EYA1: variants seen among roughly 807,000 people sequenced by gnomAD.
EYA1 encodes protein phosphatase EYA1.
EYA1 carries 16 observed loss-of-function variants against 82.0 expected under a neutral mutation model. The observed-to-expected ratio is 0.20, with a 90% CI of 0.13 to 0.30. The LOEUF (loss-of-function observed/expected upper bound fraction) is 0.30. EYA1 is among the 10% of genes least tolerant of loss of function. The pLI, the probability that EYA1 is intolerant of heterozygous loss-of-function variation, is 1.00. For missense variants in EYA1, 633 were observed against 730.7 expected (o/e 0.87, Z 1.54); for synonymous variants, 261 against 264.4 (o/e 0.99, Z 0.12).
intron 2 of EYA1, among the ~76,000 whole-genome samples, chr8:71,487,219 T>A (rs1266633321): frequency 1.3e-5 from 2 of 152,054 alleles, no homozygotes; most frequent in African/African-American, 4.8e-5. Flanking sequence ...GCTCACATAT[T>A]ATTTAAGAAA....
intron 9 of EYA1, among the ~76,000 whole-genome samples, chr8:71,278,646 A>G (rs1227258776): frequency 6.6e-6 from 1 of 152,168 alleles, no homozygotes; most frequent in Non-Finnish European, 1.5e-5. Flanking sequence ...TTTCATATCT[A>G]CTGATACTTC....
intron 12 of EYA1, among the ~76,000 whole-genome samples, chr8:71,225,964 A>C (rs1320587622): frequency 6.6e-6 from 1 of 152,236 alleles, no homozygotes; most frequent in Admixed American, 6.5e-5. Context: ...CAGAAGTTTC[A>C]ACAAAGGTAA....
At chr8:71,369,581 T>C (rs955726626) in intron 2 of EYA1, among the ~76,000 whole-genome samples, 3 of 152,180 alleles carry the variant, frequency 2.0e-5, no homozygotes, top group Non-Finnish European at 4.4e-5. Context: ...AAAGCTCCCA[T>C]GGAGAAAAAA....
intron 2 of EYA1, among the ~76,000 whole-genome samples, chr8:71,534,667 C>G (rs944251915): frequency 1.3e-5 from 2 of 152,132 alleles, no homozygotes; most frequent in Admixed American, 1.3e-4. Context: ...AAACGAAACA[C>G]TGCATGTTCT....
chr8:71,437,123 G>C (rs1163245146), intron 2 of EYA1, among the ~76,000 whole-genome samples: 1 of 147,394 alleles, frequency 6.8e-6, no homozygotes, highest in Non-Finnish European at 1.5e-5. Flanking sequence ...GATATACATA[G>C]TTTGCCTACA....
At chr8:71,540,073 A>G (rs911822538) in intron 1 of EYA1, among the ~76,000 whole-genome samples, 2 of 152,152 alleles carry the variant, frequency 1.3e-5, no homozygotes, top group Non-Finnish European at 2.9e-5. Flanking sequence ...CCATAAGCCT[A>G]TTAATTTTCA....
intron 3 of EYA1, among the ~76,000 whole-genome samples, chr8:71,350,091 T>C (rs765007880): frequency 2.0e-5 from 3 of 152,186 alleles, no homozygotes; most frequent in South Asian, 2.1e-4. Flanking sequence ...ATTCACAATG[T>C]CCCTTAATCT....
chr8:71,253,111 C>T (rs567489895), intron 11 of EYA1, among the ~76,000 whole-genome samples: 29 of 152,234 alleles, frequency 1.9e-4, no homozygotes, highest in Admixed American at 3.9e-4. Context: ...TCAGGAATGA[C>T]ATAATATTTT....
intron 9 of EYA1, among the ~76,000 whole-genome samples, chr8:71,274,822 C>A (rs1163994542): frequency 6.6e-6 from 1 of 151,820 alleles, no homozygotes; most frequent in Non-Finnish European, 1.5e-5. Context: ...GGGAATATGA[C>A]TGTGTTCCAG....
intron 9 of EYA1, among the ~76,000 whole-genome samples, chr8:71,282,233 G>A (rs770534771): frequency 3.3e-5 from 5 of 152,074 alleles, no homozygotes; most frequent in Non-Finnish European, 5.9e-5. Context: ...TCCAGTCCAC[G>A]TTCCCTTTAC....
intron 11 of EYA1, among the ~76,000 whole-genome samples, chr8:71,267,955 T>TA (rs1305888721): frequency 6.6e-6 from 1 of 152,226 alleles, no homozygotes; most frequent in Admixed American, 6.5e-5. Flanking sequence ...ATTGACACAT[T>TA]AAAAAATTAA....
At chr8:71,381,099 T>A (rs1156942) in intron 2 of EYA1, among the ~76,000 whole-genome samples, 1 of 152,074 alleles carries the variant, frequency 6.6e-6, no homozygotes, top group East Asian at 1.9e-4. Context: ...TTATCAAAGC[T>A]CGAATCCATA....
Position 71,317,689 on chromosome 8 carries a change from C to A in EYA1, c.419G>T (p.Gly140Val). The change falls in exon 7 of 18, where the codon GGT becomes GTT. Residue 140 changes from glycine (G) to valine (V), a missense_variant and splice_region_variant. Coordinates refer to ENST00000340726, the MANE Select transcript of EYA1 (RefSeq NM_000503.6). ...PGQPYGISSYGALWAGIKTEG... is the reference protein window; with the variant it reads ...PGQPYGISSYVALWAGIKTEG... Reference sequence around the variant, plus strand: ...AGTCTTGATGCCTGCCCACAATGCACCTAAATCAGTTAGTGATAGCTTATC... The same window carrying A: ...AGTCTTGATGCCTGCCCACAATGCAACTAAATCAGTTAGTGATAGCTTATC... 1 of 1,613,994 alleles carries A rather than the reference C, an allele frequency of 6.2e-7. No individual in the cohort carries two copies. Among genetic ancestry groups the A allele is most frequent in the Non-Finnish European group, 8.5e-7 (1 of 1,179,916 alleles).
In EYA1 at chr8:71,382,654, C is replaced by A. The variant is rs73684790; in HGVS notation, c.34-26143G>T. ...CTCATTGACTAGTAAAGGATATATA[C>A]ACTTATTTCTTAAATCATTGCACAA... is the stretch of plus-strand genomic sequence containing the variant. On this transcript the variant is annotated intron_variant, in intron 2 of 18. Coordinates refer to the EYA1 transcript ENST00000643681. Among the ~76,000 whole-genome samples the A allele has an allele frequency of 6.4e-3, 974 of 152,000 alleles. 13 individuals are homozygous for A. The highest frequency in any genetic ancestry group is 0.022 in the African/African-American group (923 of 41,494).
chr8:71,259,027 T>C (rs1284837225), intron 11 of EYA1, among the ~76,000 whole-genome samples: 1 of 152,162 alleles, frequency 6.6e-6, no homozygotes, highest in East Asian at 1.9e-4. Flanking sequence ...CAATGTGGAA[T>C]TTATAGTGTT....
chr8:71,262,920 A>G (rs757103702), intron 11 of EYA1, among the ~76,000 whole-genome samples: 73 of 152,322 alleles, frequency 4.8e-4, no homozygotes, highest in Non-Finnish European at 9.0e-4. Flanking sequence ...CATCCTTTTT[A>G]TCTAATTTGG....
chr8:71,310,947 A>T lies in EYA1; in HGVS notation c.556+6605T>A, dbSNP rs149319938. On this transcript the variant is annotated intron_variant, in intron 7 of 17. Coordinates refer to ENST00000340726, the MANE Select transcript of EYA1 (RefSeq NM_000503.6). Reference sequence around the variant, plus strand: ...AATCACTAGAACTAAGCTATTATGGAAAGCTGGGTTTTCCACAGAGCTGAG... The same window carrying T: ...AATCACTAGAACTAAGCTATTATGGTAAGCTGGGTTTTCCACAGAGCTGAG... Among the ~76,000 whole-genome samples, 62 of 152,206 alleles carry T rather than the reference A, an allele frequency of 4.1e-4. No individual in the cohort carries two copies. The East Asian group carries it at 0.012, about 29-fold the overall frequency.
At chr8:71,224,395 A>G (rs1461031541) in intron 12 of EYA1, among the ~76,000 whole-genome samples, 1 of 152,246 alleles carries the variant, frequency 6.6e-6, no homozygotes, top group Non-Finnish European at 1.5e-5. Flanking sequence ...CTTTACATCA[A>G]TGTGCCTATT....
rs912561143 is a variant in EYA1, at chr8:71,198,815, C to G, written c.*525G>C. On this transcript the variant is annotated 3_prime_UTR_variant, in exon 18 of 18. Transcript: ENST00000340726. ...AAAAAGTCTGGTGGGTGAATTATAC[C>G]TCAATAAAGCTGTTTTTTTATCTTT... is the stretch of plus-strand genomic sequence containing the variant. 2 of 116,562 alleles carry G rather than the reference C, an allele frequency of 1.7e-5. No individual in the cohort carries two copies. The highest frequency in any genetic ancestry group is 7.8e-5 in the African/African-American group (2 of 25,746). The allele number at this position is 116,562 out of a possible 1,614,324, so 7.2% of individuals were successfully genotyped here.
Sources: allele counts gnomAD v4.1 joint callset (sites outside exome capture counted in the v4.1 genomes callset), GRCh38; gene constraint gnomAD v4.1.1; transcripts MANE v1.5; gene names NCBI Gene and HGNC (gene_info 2026-07-23, HGNC 2026-07-21).